Variants in SLC25A10 observed in about 807,000 individuals in gnomAD.
SLC25A10 encodes mitochondrial dicarboxylate carrier.
SLC25A10 carries 32 observed loss-of-function variants against 40.4 expected under a neutral mutation model. The observed-to-expected ratio is 0.79, with a 90% CI of 0.60 to 1.06. The LOEUF is 1.06. SLC25A10 is among the 50% of genes least tolerant of loss of function. The pLI, the probability that SLC25A10 is intolerant of heterozygous loss-of-function variation, is 0.00. For synonymous variants in SLC25A10, 181 were observed against 171.1 expected (o/e 1.06, Z -0.45); for missense variants, 394 against 402.6 (o/e 0.98, Z 0.18).
At position 81,717,091 on chromosome 17, in the gene SLC25A10, G is replaced by A. The variant is rs757465298; in HGVS notation, c.534+19G>A. On this transcript the variant is annotated intron_variant, in intron 7 of 10. Transcript: ENST00000350690. ...GGGCCAGGTAGGCCTCCTGCGTGGGGTGGGTGTGGGCAGTGCCTGTGACCA... is the reference window on the plus strand; with the variant it reads ...GGGCCAGGTAGGCCTCCTGCGTGGGATGGGTGTGGGCAGTGCCTGTGACCA... The A allele has an allele frequency of 2.5e-6, 4 of 1,612,298 alleles. No homozygotes were observed. In the South Asian group the frequency reaches 3.3e-5, roughly 13 times the overall value.
At chr17:81,715,327 G>C (rs544635591) in intron 2 of SLC25A10, 151 bp from the exon 3 acceptor site, 2 of 818,358 alleles carry the variant, frequency 2.4e-6, no homozygotes, top group African/African-American at 3.4e-5. Context: ...TTGTGAACTG[G>C]CTCAGCCGCA....
At chr17:81,713,573 C>T in intron 1 of SLC25A10, 2 of 845,560 alleles carry the variant, frequency 2.4e-6, no homozygotes, top group South Asian at 1.1e-4. Flanking sequence ...CTTCAGAGCT[C>T]CCAGGCCACA....
intron 8 of SLC25A10, 26 bp downstream of exon 8, chr17:81,717,517 G>A (rs780331189): frequency 6.2e-6 from 10 of 1,611,726 alleles, no homozygotes; most frequent in Middle Eastern, 3.3e-4. Context: ...GGCTAGGGTG[G>A]GCGTCCCTGG....
In SLC25A10 at chr17:81,717,781, C is replaced by T; in HGVS notation, c.628-3C>T. Reference sequence around the variant, plus strand: ...GGCCGCTGGTGACGAGCCCCCTCCTCAGGGTGGATGTGCCACGTTCCTGTG... The same window carrying T: ...GGCCGCTGGTGACGAGCCCCCTCCTTAGGGTGGATGTGCCACGTTCCTGTG... On this transcript the variant is annotated splice_region_variant and splice_polypyrimidine_tract_variant and intron_variant, in intron 8 of 10. Coordinates refer to ENST00000350690, the MANE Select transcript of SLC25A10 (RefSeq NM_012140.5). The T allele has an allele frequency of 1.2e-6, 2 of 1,611,180 alleles. No homozygotes were observed. The highest frequency in any genetic ancestry group is 1.7e-6 in the Non-Finnish European group (2 of 1,179,470).
At chr17:81,716,890 G>A (rs772271642) in intron 6 of SLC25A10, 35 bp downstream of exon 6, 2 of 1,608,404 alleles carry the variant, frequency 1.2e-6, no homozygotes, top group African/African-American at 1.3e-5. Context: ...GCAGGGTTCT[G>A]GGGGGCAGGC....
intron 5 of SLC25A10, 119 bp from the exon 6 acceptor site, chr17:81,716,693 A>T: frequency 2.1e-6 from 2 of 965,538 alleles, no homozygotes; most frequent in African/African-American, 1.6e-5. Flanking sequence ...AGAGATCTTC[A>T]GGCCCATGAG....
Position 81,712,385 on chromosome 17 carries a change from G to GGGTCGGGTTGT in SLC25A10, c.-34_-24dup. On this transcript the variant is annotated 5_prime_UTR_variant, in exon 1 of 11. Transcript: ENST00000350690. ...GCCGGTACACGCCGGGGTAGGGCCG[G>GGGTCGGGTTGT]GGTCGGGTTGTGGTCGGGCCGGGAT... 1 of 1,199,170 alleles carries GGGTCGGGTTGT rather than the reference G, an allele frequency of 8.3e-7. No individual in the cohort carries two copies. Among genetic ancestry groups the GGGTCGGGTTGT allele is most frequent in the Non-Finnish European group, 1.0e-6 (1 of 953,616 alleles). The allele number at this position is 1,199,170 out of a possible 1,614,324, so 74.3% of individuals were successfully genotyped here.
intron 9 of SLC25A10, among the ~76,000 whole-genome samples, chr17:81,719,143 G>A (rs2037543125): frequency 6.6e-6 from 1 of 151,488 alleles, no homozygotes; most frequent in Non-Finnish European, 1.5e-5. Flanking sequence ...ATGTCGGCCA[G>A]GCTGGTCTTG....
chr17:81,719,998 G>A lies in SLC25A10; in HGVS notation c.785G>A (p.Arg262His), dbSNP rs751198747. 6 of 1,613,698 alleles carry A rather than the reference G, an allele frequency of 3.7e-6. No homozygotes were observed. Among genetic ancestry groups the A allele is most frequent in the Admixed American group, 1.7e-5 (1 of 60,022 alleles). The change falls in exon 11 of 11, where the codon CGC (arginine) becomes CAC (histidine). Residue 262 changes from arginine to histidine, a missense_variant. Physicochemically the swap from Arg to His is conservative, Grantham distance 29. Transcript: ENST00000350690. The part of the protein sequence containing the change: ...FYKGLVPAGI[R>H]LIPHTVLTFV... ...CAGGGCCTCGTCCCAGCTGGCATCCGCCTCATCCCCCACACCGTGCTCACT... is the reference window on the plus strand; with the variant it reads ...CAGGGCCTCGTCCCAGCTGGCATCCACCTCATCCCCCACACCGTGCTCACT...
At chr17:81,712,781 G>A (rs1427593721) in intron 1 of SLC25A10, among the ~76,000 whole-genome samples, 3 of 151,456 alleles carry the variant, frequency 2.0e-5, no homozygotes, top group East Asian at 2.0e-4. Flanking sequence ...TGGCGATCCA[G>A]CCCCAGCTCT....
intron 5 of SLC25A10, 127 bp downstream of exon 5, chr17:81,716,177 AGGGTCCTGAC>A: frequency 9.5e-7 from 1 of 1,054,040 alleles, no homozygotes; most frequent in Non-Finnish European, 1.4e-6. Flanking sequence ...CGGTCCATGG[AGGGTCCTGAC>A]GGCTGTTCTG....
Position 81,716,202 on chromosome 17 carries a change from C to T in SLC25A10, c.419+152C>T, listed in dbSNP as rs532725426. The T allele has an allele frequency of 1.3e-4, 105 of 804,132 alleles. No homozygotes were observed. The East Asian group carries it at 2.3e-3, about 18-fold the overall frequency. The allele number at this position is 804,132 out of a possible 1,614,324, so 49.8% of individuals were successfully genotyped here. A position where few individuals can be genotyped will look rare whatever the true frequency, so the allele number is the denominator to read the frequency against. On this transcript the variant is annotated intron_variant, in intron 5 of 10. Coordinates refer to ENST00000350690, the MANE Select transcript of SLC25A10 (RefSeq NM_012140.5). ...AGGGTCCTGACGGCTGTTCTGGACT[C>T]GGGGGTGTCACTCTGCGCCCCCAGG...
chr17:81,713,617 A>C, intron 1 of SLC25A10: 3 of 383,210 alleles, frequency 7.8e-6, no homozygotes, highest in Non-Finnish European at 1.1e-5. Context: ...AGCCACAGCG[A>C]CAGGAAGGCG....
intron 9 of SLC25A10, among the ~76,000 whole-genome samples, chr17:81,718,744 G>C (rs1240432045): frequency 3.3e-5 from 5 of 150,360 alleles, no homozygotes; most frequent in Admixed American, 1.3e-4. Context: ...GTCAGGAGTT[G>C]GAGACCAGCC....
Position 81,716,767 on chromosome 17 carries a change from G to A in SLC25A10, c.420-45G>A, listed in dbSNP as rs762046808. The A allele has an allele frequency of 1.5e-5, 23 of 1,580,524 alleles. 1 individual carries two copies. The highest frequency in any genetic ancestry group is 5.4e-5 in the Admixed American group (3 of 55,166). ...CCTGGGAGGACCCTCTGTGGGAGCC[G>A]GTGGTCAGGGGGAGTCTCATGTGGT... On this transcript the variant is annotated intron_variant, in intron 5 of 10. Transcript: ENST00000350690.
At chr17:81,714,253 G>A (rs998733968) in intron 1 of SLC25A10, among the ~76,000 whole-genome samples, 1 of 152,244 alleles carries the variant, frequency 6.6e-6, no homozygotes, top group Non-Finnish European at 1.5e-5. Flanking sequence ...TGGCCTTCCT[G>A]TCTGGCCCTG....
At chr17:81,715,178 C>T (rs972727439) in intron 2 of SLC25A10, 106 bp downstream of exon 2, 2 of 1,486,662 alleles carry the variant, frequency 1.3e-6, no homozygotes, top group South Asian at 2.5e-5. Context: ...AGGAAGGACC[C>T]ACCAGGCCGA....
chr17:81,716,093 G>A, intron 5 of SLC25A10, 43 bp downstream of exon 5: 1 of 1,568,988 alleles, frequency 6.4e-7, no homozygotes, highest in Non-Finnish European at 8.6e-7. Flanking sequence ...AGGTGCAGGA[G>A]GCTCGGGCGG....
chr17:81,715,591 C>T lies in SLC25A10; in HGVS notation c.327C>T (p.Ser109=), dbSNP rs771011483. The T allele has an allele frequency of 1.2e-5, 20 of 1,601,256 alleles. No homozygotes were observed. The highest frequency in any genetic ancestry group is 5.5e-5 in the South Asian group (5 of 90,830). Residue 109 remains serine (S), a splice_region_variant and synonymous_variant, in exon 3 of 11, where the codon AGC becomes AGT. Transcript: ENST00000350690. Reference sequence around the variant, plus strand: ...AGAAGGTGTTGCTGGGCTCCGTCAGCGGTGAGCTGCCGGGCGGGAGGGGGA... The same window carrying T: ...AGAAGGTGTTGCTGGGCTCCGTCAGTGGTGAGCTGCCGGGCGGGAGGGGGA... ...FHEKVLLGSV[S]GLAGGFVGTP... is the part of the protein sequence containing the mutation.
Sources: gnomAD v4.1 joint callset for allele counts (sites outside exome capture counted in the v4.1 genomes callset) on GRCh38, gnomAD v4.1.1 for gene constraint, MANE v1.5 for transcripts, NCBI Gene and HGNC (gene_info 2026-07-23, HGNC 2026-07-21) for gene names.